COL6A3: variants seen among roughly 807,000 people sequenced by gnomAD.
The protein encoded by COL6A3 is collagen alpha-3(VI) chain.
Under a neutral mutation model 274.1 loss-of-function variants are expected in COL6A3, and 137 were observed. The observed-to-expected ratio is 0.50, with a 90% CI of 0.44 to 0.58. The LOEUF (loss-of-function observed/expected upper bound fraction) is 0.58, where lower values mean the gene tolerates loss of function less well. Among genes scored for constraint, COL6A3 ranks in the 20% least tolerant of loss-of-function variants. The pLI is 0.00. For synonymous variants in COL6A3, 1,650 were observed against 1,650.6 expected, an observed-to-expected ratio of 1.00 and a Z score of 0.01; for missense variants, 3,950 against 4,124.9, an observed-to-expected ratio of 0.96 and a Z score of 1.16.
intron 8 of COL6A3, among the ~76,000 whole-genome samples, chr2:237,373,134 A>G (rs1421597258): frequency 6.6e-6 from 1 of 152,134 alleles, no homozygotes; most frequent in East Asian, 1.9e-4. Context: ...GAAGGGGGAA[A>G]GAGGGAGGCT....
Position 237,407,067 on chromosome 2 carries a change from G to A in COL6A3, c.-31+6886C>T, listed in dbSNP as rs927431809. ...TAGGACTACAGGTGTGCGCCACCAC[G>A]CCTGGCTAATTTTTTTTGAATTTTG... is the stretch of plus-strand genomic sequence containing the variant. On this transcript the variant is annotated intron_variant, in intron 1 of 43. Transcript: ENST00000295550. The surrounding 1 kb of genome is among the most constrained non-coding windows in gnomAD (Gnocchi z 4.3). Among the ~76,000 whole-genome samples the A allele has an allele frequency of 3.3e-5, 5 of 151,718 alleles. No individual in the cohort carries two copies. Among genetic ancestry groups the A allele is most frequent in the African/African-American group, 4.8e-5 (2 of 41,308 alleles).
intron 36 of COL6A3, chr2:237,343,282 G>T (rs1331716491): frequency 6.6e-6 from 1 of 151,620 alleles, no homozygotes; most frequent in Non-Finnish European, 1.5e-5. Flanking sequence ...AGATCACGTG[G>T]TCAGGAGTTC....
At chr2:237,325,530 A>G in intron 43 of COL6A3, 30 bp downstream of exon 43, 8 of 1,613,310 alleles carry the variant, frequency 5.0e-6, no homozygotes, top group Non-Finnish European at 6.8e-6. Flanking sequence ...TTATTTGCAG[A>G]AGCCATAAAC....
chr2:237,390,635 G>A (rs1299379810), intron 3 of COL6A3, among the ~76,000 whole-genome samples: 1 of 152,228 alleles, frequency 6.6e-6, no homozygotes, highest in Non-Finnish European at 1.5e-5. Context: ...AAAATTCACA[G>A]TTTCCTTTGA....
chr2:237,397,017 T>TA (rs71402725), intron 1 of COL6A3, among the ~76,000 whole-genome samples, 170 bp from the exon 2 acceptor site: 4 of 145,996 alleles, frequency 2.7e-5, no homozygotes, highest in Admixed American at 7.0e-5. Flanking sequence ...GTTAGATAGA[T>TA]GATAGATAGA....
At chr2:237,403,784 G>C (rs2078653443) in intron 1 of COL6A3, among the ~76,000 whole-genome samples, 1 of 151,900 alleles carries the variant, frequency 6.6e-6, no homozygotes, top group African/African-American at 2.4e-5. Context: ...AGGCTGGACT[G>C]CCTGTTCTCC....
At chr2:237,335,942 G>A (rs1358044834) in intron 40 of COL6A3, among the ~76,000 whole-genome samples, 193 bp downstream of exon 40, 1 of 152,170 alleles carries the variant, frequency 6.6e-6, no homozygotes, top group Non-Finnish European at 1.5e-5. Flanking sequence ...TCGCAAGACA[G>A]GATTGAGGGC....
intron 3 of COL6A3, among the ~76,000 whole-genome samples, chr2:237,391,395 ATTGT>A (rs973588792): frequency 6.6e-6 from 1 of 152,172 alleles, no homozygotes; most frequent in Non-Finnish European, 1.5e-5. Flanking sequence ...TGGTAATCTC[ATTGT>A]TTGTCCATTA....
intron 1 of COL6A3, among the ~76,000 whole-genome samples, chr2:237,412,874 A>G (rs886983679): frequency 1.3e-5 from 2 of 152,076 alleles, no homozygotes; most frequent in Non-Finnish European, 2.9e-5. Context: ...CTCCCCATCC[A>G]GCACAGCAGA....
intron 27 of COL6A3, among the ~76,000 whole-genome samples, chr2:237,350,927 G>A (rs1431686601): frequency 6.6e-6 from 1 of 152,226 alleles, no homozygotes; most frequent in Non-Finnish European, 1.5e-5. Flanking sequence ...GATGGTTGGT[G>A]GCAGGGATGG....
intron 7 of COL6A3, among the ~76,000 whole-genome samples, chr2:237,375,553 C>T (rs192510600): frequency 1.1e-4 from 16 of 152,096 alleles, no homozygotes; most frequent in South Asian, 1.0e-3. Context: ...GTGGAGGGGT[C>T]GGGGGGTGGA....
At chr2:237,408,213 T>G (rs2078767847) in intron 1 of COL6A3, among the ~76,000 whole-genome samples, 1 of 152,252 alleles carries the variant, frequency 6.6e-6, no homozygotes, top group Non-Finnish European at 1.5e-5. Context: ...ATGCTGGATT[T>G]ATTGCAGTAA....
chr2:237,399,186 A>G (rs544429014), intron 1 of COL6A3, among the ~76,000 whole-genome samples: 1 of 152,296 alleles, frequency 6.6e-6, no homozygotes, highest in East Asian at 1.9e-4. Flanking sequence ...AATCAAGTTC[A>G]CCAGCCTGAA....
At chr2:237,380,208 A>G (rs998973156) in intron 5 of COL6A3, among the ~76,000 whole-genome samples, 4 of 152,228 alleles carry the variant, frequency 2.6e-5, no homozygotes, top group African/African-American at 9.6e-5. Context: ...TGCCTGCATC[A>G]GGCAATCCTC....
intron 1 of COL6A3, among the ~76,000 whole-genome samples, chr2:237,408,479 G>A (rs542446635): frequency 1.3e-5 from 2 of 152,324 alleles, no homozygotes; most frequent in East Asian, 1.9e-4. Context: ...CTGGGTACCG[G>A]CCCTGGGCTG....
chr2:237,331,343 C>T (rs1338555268), intron 42 of COL6A3, among the ~76,000 whole-genome samples: 1 of 151,992 alleles, frequency 6.6e-6, no homozygotes, highest in African/African-American at 2.4e-5. Flanking sequence ...ATTTTCCCCC[C>T]ACCCCAGGGG....
At position 237,336,567 on chromosome 2, in the gene COL6A3, A is replaced by G. The variant is rs756644957; in HGVS notation, c.8568-35T>C. On this transcript the variant is annotated intron_variant, in intron 39 of 43. Coordinates refer to ENST00000295550, the MANE Select transcript of COL6A3 (RefSeq NM_004369.4). ...CAAATTAAATATTACCTCTACTTTT[A>G]CCTGCTATCTAAAATAAATAAAGAC... The G allele has an allele frequency of 2.5e-6, 4 of 1,605,540 alleles. No individual in the cohort carries two copies. The African/African-American group carries it at 5.4e-5, about 22-fold the overall frequency.
chr2:237,344,297 T>G lies in COL6A3; in HGVS notation c.7668+53A>C, dbSNP rs911254063. On this transcript the variant is annotated intron_variant, in intron 36 of 43. Coordinates refer to ENST00000295550, the MANE Select transcript of COL6A3 (RefSeq NM_004369.4). The surrounding 1 kb of genome is among the most constrained non-coding windows in gnomAD (Gnocchi z 4.8). Reference sequence around the variant, plus strand: ...GGAGCATGGACGTGTCTGAGAACCTTCTCAGAGCCCCAGAAGAAAGGGAGA... The same window carrying G: ...GGAGCATGGACGTGTCTGAGAACCTGCTCAGAGCCCCAGAAGAAAGGGAGA... 1 of 1,613,412 alleles carries G rather than the reference T, an allele frequency of 6.2e-7. No homozygotes were observed. Among genetic ancestry groups the G allele is most frequent in the Non-Finnish European group, 8.5e-7 (1 of 1,179,936 alleles).
rs200621867 is a variant in COL6A3 at position 237,374,893 on chromosome 2, G to A, written c.3198C>T (p.Arg1066=). 48 of 1,613,896 alleles carry A rather than the reference G, an allele frequency of 3.0e-5. 1 individual carries two copies. The Admixed American group carries it at 4.8e-4, about 16-fold the overall frequency. Residue 1066 remains arginine, a synonymous_variant, in exon 8 of 44, where the codon CGC becomes CGT. Transcript: ENST00000295550. The surrounding 1 kb of genome is among the most constrained non-coding windows in gnomAD (Gnocchi z 4.8). The stretch of plus-strand genomic sequence containing the variant: ...GGTCGCTGTACTGCACCACGGCCAC[G>A]CGGACCCGGTCCTGGCCCACATCCA... ...ESLDVGQDRV[R]VAVVQYSDRT...
Sources: gnomAD v4.1 joint callset for allele counts (sites outside exome capture counted in the v4.1 genomes callset) on GRCh38, gnomAD v4.1.1 for gene constraint, Gnocchi (gnomAD v3.1) non-coding constraint, MANE v1.5 for transcripts, NCBI Gene and HGNC (gene_info 2026-07-23, HGNC 2026-07-21) for gene names.